The following UNC79 variants were observed in gnomAD, a reference collection of about 807,000 sequenced individuals.
UNC79 encodes unc-79 subunit of NALCN channel complex.
In UNC79, 37 loss-of-function variants were observed where a neutral mutation model predicts 283.1. That is an observed-to-expected ratio of 0.13 (90% CI 0.10 to 0.17). The LOEUF (loss-of-function observed/expected upper bound fraction) is 0.17. UNC79 is among the 10% of genes least tolerant of loss of function. The pLI, the probability that UNC79 is intolerant of heterozygous loss-of-function variation, is 1.00. For missense variants in UNC79, 2,272 were observed against 3,211.1 expected (o/e 0.71, Z 7.07); for synonymous variants, 1,107 against 1,200.2 (o/e 0.92, Z 1.61).
At position 93,703,045 on chromosome 14, in the gene UNC79, A is replaced by G. The variant is rs2075644426; in HGVS notation, c.7549-1580A>G. Reference sequence around the variant, plus strand: ...ATCCCCTAATTTGGCATTTAGGGCCATCTGGTGGGCTAAGGGTGTGAAGGC... The same window carrying G: ...ATCCCCTAATTTGGCATTTAGGGCCGTCTGGTGGGCTAAGGGTGTGAAGGC... On this transcript the variant is annotated intron_variant, in intron 47 of 48. Coordinates refer to ENST00000555664, the Ensembl canonical transcript of UNC79. Among the ~76,000 whole-genome samples the G allele has an allele frequency of 2.0e-5, 3 of 152,348 alleles. No homozygotes were observed. In the South Asian group the frequency reaches 6.2e-4, roughly 32 times the overall value.
rs538436345 is a variant in UNC79 at position 93,573,945 on chromosome 14, C to A, written c.2071-1113C>A. Reference sequence around the variant, plus strand: ...TCTTGAGCCCAGGAGATCGAGGCTGCAGTGAGCTATGATCAAGCCACTGCA... The same window carrying A: ...TCTTGAGCCCAGGAGATCGAGGCTGAAGTGAGCTATGATCAAGCCACTGCA... On this transcript the variant is annotated intron_variant, in intron 16 of 48. Coordinates refer to ENST00000555664, the Ensembl canonical transcript of UNC79. Among the ~76,000 whole-genome samples the A allele has an allele frequency of 1.6e-4, 24 of 152,314 alleles. No individual in the cohort carries two copies. In the East Asian group the frequency reaches 2.9e-3, roughly 18 times the overall value.
chr14:93,415,291 C>A (rs1186183632), intron 1 of UNC79, among the ~76,000 whole-genome samples: 1 of 152,108 alleles, frequency 6.6e-6, no homozygotes, highest in African/African-American at 2.4e-5. Context: ...TGGTTTTTGT[C>A]TTTGGTTCTG....
chr14:93,506,886 A>C (rs2059572264), intron 7 of UNC79, among the ~76,000 whole-genome samples: 1 of 152,206 alleles, frequency 6.6e-6, no homozygotes, highest in Non-Finnish European at 1.5e-5. Flanking sequence ...AACCCAGAAA[A>C]TAATGGTATG....
chr14:93,622,426 G>A (rs767560141), exon 30 of UNC79: 1 of 1,614,168 alleles, frequency 6.2e-7, no homozygotes. Flanking sequence ...AGCCAGAGGA[G>A]CTGCCAGAGT....
At chr14:93,554,132 G>A (rs969186924) in intron 14 of UNC79, among the ~76,000 whole-genome samples, 2 of 152,010 alleles carry the variant, frequency 1.3e-5, no homozygotes, top group Non-Finnish European at 2.9e-5. Context: ...GGCAGATCAC[G>A]AGGTCAGGAA....
At chr14:93,613,001 A>G (rs1432547251) in exon 27 of UNC79, 1 of 1,614,214 alleles carries the variant, frequency 6.2e-7, no homozygotes, top group Non-Finnish European at 8.5e-7. Flanking sequence ...GGCTATGACC[A>G]GCAGGAAGGT....
chr14:93,668,490 C>G (rs917740963), intron 40 of UNC79, among the ~76,000 whole-genome samples: 2 of 151,946 alleles, frequency 1.3e-5, no homozygotes, highest in Non-Finnish European at 2.9e-5. Context: ...GTGGGAAGAT[C>G]GCTTGAGCCC....
intron 13 of UNC79, among the ~76,000 whole-genome samples, chr14:93,541,277 T>C (rs1268938980): frequency 9.9e-5 from 15 of 152,234 alleles, no homozygotes; most frequent in Non-Finnish European, 1.8e-4. Flanking sequence ...GTTTATGATA[T>C]GTCTATGTAC....
exon 30 of UNC79, chr14:93,622,283 C>T (rs1254359787): frequency 6.2e-7 from 1 of 1,614,148 alleles, no homozygotes; most frequent in East Asian, 2.2e-5. Flanking sequence ...CACAGCTCCG[C>T]TTGTACAAGT....
intron 1 of UNC79, among the ~76,000 whole-genome samples, chr14:93,374,882 T>C (rs2054524355): frequency 6.6e-6 from 1 of 152,162 alleles, no homozygotes; most frequent in South Asian, 2.1e-4. Context: ...GTTGCTTTAA[T>C]TTCACATGCT....
At chr14:93,353,358 GT>G (rs1173297925) in intron 1 of UNC79, among the ~76,000 whole-genome samples, 3 of 152,126 alleles carry the variant, frequency 2.0e-5, no homozygotes, top group Non-Finnish European at 4.4e-5. Flanking sequence ...ATGAGCCACT[GT>G]GCCCAGCATA....
intron 1 of UNC79, among the ~76,000 whole-genome samples, chr14:93,350,484 A>C (rs1383317717): frequency 6.6e-6 from 1 of 152,156 alleles, no homozygotes; most frequent in Non-Finnish European, 1.5e-5. Context: ...AAATGTTATA[A>C]ATGGGCTGTG....
intron 26 of UNC79, 110 bp downstream of exon 26, chr14:93,603,528 T>C: frequency 7.6e-7 from 1 of 1,322,550 alleles, no homozygotes; most frequent in Non-Finnish European, 1.0e-6. Flanking sequence ...AAACTGAGTT[T>C]GTTCAATAAG....
chr14:93,485,020 G>A (rs1029690816), intron 4 of UNC79, among the ~76,000 whole-genome samples: 1 of 152,042 alleles, frequency 6.6e-6, no homozygotes, highest in Admixed American at 6.6e-5. Context: ...AGACATGTGG[G>A]CATCTTTCCT....
At chr14:93,381,323 A>G (rs2054660452) in intron 1 of UNC79, among the ~76,000 whole-genome samples, 1 of 152,180 alleles carries the variant, frequency 6.6e-6, no homozygotes, top group Non-Finnish European at 1.5e-5. Flanking sequence ...CTCCCCCCAG[A>G]AGGAGTGTGG....
At chr14:93,639,547 A>G (rs1254557646) in intron 32 of UNC79, among the ~76,000 whole-genome samples, 1 of 152,246 alleles carries the variant, frequency 6.6e-6, no homozygotes, top group East Asian at 1.9e-4. Context: ...TTATACACTT[A>G]CGTATACTTA....
chr14:93,466,921 A>T, intron 1 of UNC79: 1 of 985,284 alleles, frequency 1.0e-6, no homozygotes, highest in African/African-American at 1.7e-5. Flanking sequence ...AGGGTAAATA[A>T]ATCTATTGAG....
At chr14:93,596,634 C>CA (rs1336537194) in intron 23 of UNC79, among the ~76,000 whole-genome samples, 6 of 151,982 alleles carry the variant, frequency 3.9e-5, no homozygotes, top group Non-Finnish European at 8.8e-5. Flanking sequence ...GACTCCATCT[C>CA]AAAAAAACAA....
chr14:93,697,601 A>G (rs926016918), intron 47 of UNC79, among the ~76,000 whole-genome samples: 1 of 151,982 alleles, frequency 6.6e-6, no homozygotes, highest in Non-Finnish European at 1.5e-5. Context: ...TGGTTTGTCA[A>G]TTTCTACAAA....
Sources: gnomAD v4.1 joint callset for allele counts (sites outside exome capture counted in the v4.1 genomes callset) on GRCh38, gnomAD v4.1.1 for gene constraint, MANE v1.5 for transcripts, NCBI Gene and HGNC (gene_info 2026-07-23, HGNC 2026-07-21) for gene names.